APBB1: variants seen among roughly 807,000 people sequenced by gnomAD.
APBB1 encodes adaptor protein FE65a2.
APBB1 carries 22 observed loss-of-function variants against 78.4 expected under a neutral mutation model. The ratio of observed to expected loss-of-function variants is 0.28; its 90% CI spans 0.20 to 0.40. The LOEUF (loss-of-function observed/expected upper bound fraction) is 0.40. APBB1 is among the 10% of genes least tolerant of loss of function. APBB1 has a pLI of 1.00. For missense variants in APBB1, 749 were observed against 932.4 expected, an observed-to-expected ratio of 0.80 and a Z score of 2.56; for synonymous variants, 369 against 372.7, an observed-to-expected ratio of 0.99 and a Z score of 0.12.
intron 1 of APBB1, among the ~76,000 whole-genome samples, chr11:6,416,762 G>A (rs1052242276): frequency 3.4e-5 from 5 of 146,748 alleles, no homozygotes; most frequent in Admixed American, 2.7e-4. Flanking sequence ...TTTTTTTTGC[G>A]ATGGAGTCCT....
intron 1 of APBB1, among the ~76,000 whole-genome samples, chr11:6,412,048 C>A (rs561597531): frequency 6.6e-6 from 1 of 152,250 alleles, no homozygotes; most frequent in Non-Finnish European, 1.5e-5. Context: ...CCCTTGGGCA[C>A]TGGTCCCTCT....
chr11:6,404,989 T>A, intron 2 of APBB1: 5 of 1,429,834 alleles, frequency 3.5e-6, no homozygotes, highest in Non-Finnish European at 4.6e-6. Flanking sequence ...AGGACCACCA[T>A]GCTAGGGAAT....
chr11:6,402,652 G>A lies in APBB1; in HGVS notation c.1178C>T (p.Ala393Val). 6.2e-7 allele frequency: 1 copy of A among 1,614,144 alleles called. No individual in the cohort carries two copies. The highest frequency in any genetic ancestry group is 8.5e-7 in the Non-Finnish European group (1 of 1,180,038). The change falls in exon 7 of 15, where the codon GCA (alanine) becomes GTA (valine). Residue 393 changes from alanine (A) to valine (V), a missense_variant. Ala to Val is a moderately conservative substitution (Grantham distance 64). Around this residue, in one of 3 missense-constraint regions of APBB1, gnomAD observed 635 missense variants for 765.0 expected, o/e 0.83. Transcript: ENST00000609360. ...EELAPGRSSVAVNNCIRQLSY... is the reference protein window; with the variant it reads ...EELAPGRSSVVVNNCIRQLSY... ...GAGCTGACGGATGCAATTGTTGACT[G>A]CCACACTGCTGCGTCCAGGGGCCAG... is the stretch of plus-strand genomic sequence containing the variant.
At chr11:6,418,516 G>A (rs2723665) in intron 1 of APBB1, among the ~76,000 whole-genome samples, 1 of 152,144 alleles carries the variant, frequency 6.6e-6, no homozygotes, top group African/African-American at 2.4e-5. Context: ...AGTGTTCTTG[G>A]CAGTGCTAGG....
intron 1 of APBB1, among the ~76,000 whole-genome samples, chr11:6,412,299 C>T (rs375640913): frequency 5.9e-5 from 9 of 152,268 alleles, no homozygotes; most frequent in Middle Eastern, 3.4e-3. Flanking sequence ...ATTACAGGTG[C>T]CCACCACCAC....
At chr11:6,413,458 G>C (rs1849034103) in intron 1 of APBB1, among the ~76,000 whole-genome samples, 1 of 151,994 alleles carries the variant, frequency 6.6e-6, no homozygotes, top group South Asian at 2.1e-4. Context: ...TGTGTTCTCA[G>C]CGCTGAGCAC....
intron 12 of APBB1, among the ~76,000 whole-genome samples, chr11:6,399,825 T>C (rs73398865): frequency 0.018 from 2,743 of 152,296 alleles, 86 homozygotes; most frequent in African/African-American, 0.063. Flanking sequence ...TCATCTTGCA[T>C]TGGCCTTCTT....
In APBB1 at chr11:6,410,814, C is replaced by T. The variant is rs1339029284; in HGVS notation, c.534G>A (p.Gly178=). The change falls in exon 2 of 15, where the codon GGG becomes GGA. Residue 178 remains glycine (G), a synonymous_variant. Transcript: ENST00000609360. ...EEEEDLSSPP[G]LPEPLESVEA... is the part of the protein sequence containing the mutation. ...CCACACTCTCCAGGGGCTCAGGCAGCCCTGGGGGAGAAGATAAGTCCTCCT... is the reference window on the plus strand; with the variant it reads ...CCACACTCTCCAGGGGCTCAGGCAGTCCTGGGGGAGAAGATAAGTCCTCCT... The T allele has an allele frequency of 3.7e-6, 6 of 1,613,596 alleles. No individual in the cohort carries two copies. Among genetic ancestry groups the T allele is most frequent in the Admixed American group, 1.7e-5 (1 of 59,952 alleles).
intron 2 of APBB1, among the ~76,000 whole-genome samples, chr11:6,407,416 C>G (rs931608260): frequency 1.3e-5 from 2 of 152,222 alleles, no homozygotes; most frequent in African/African-American, 4.8e-5. Flanking sequence ...GGCAAGTGAG[C>G]AACTAGGCCT....
At chr11:6,410,565 T>G (rs1848931741) in intron 2 of APBB1, 62 bp downstream of exon 2, 115 of 1,432,108 alleles carry the variant, frequency 8.0e-5, no homozygotes, top group Non-Finnish European at 1.0e-4. Flanking sequence ...GGCCTCTGTA[T>G]GAGAGTCCTA....
At position 6,404,948 on chromosome 11, in the gene APBB1, T is replaced by TC; in HGVS notation, c.722-1127dup. 4.9e-6 allele frequency: 7 copies of TC among 1,439,300 alleles called. No individual in the cohort carries two copies. The South Asian group carries it at 7.4e-5, about 15-fold the overall frequency. 89.2% of individuals were successfully genotyped at this position (1,439,300 alleles called of 1,614,324 possible). ...GCAGAGCGTCTGCCAGGCAAGATCC[T>TC]CCCCCGCTTGGAGCTTGCTAGGGAG... On this transcript the variant is annotated intron_variant, in intron 2 of 14. Transcript: ENST00000609360.
At chr11:6,405,192 A>C (rs1590781547) in intron 2 of APBB1, 1 of 1,110,234 alleles carries the variant, frequency 9.0e-7, no homozygotes, top group Non-Finnish European at 1.1e-6. Context: ...CCTAAGGAAT[A>C]CCCCAGCTGC....
chr11:6,398,472 A>G (rs1005901423), intron 12 of APBB1, among the ~76,000 whole-genome samples: 1 of 152,230 alleles, frequency 6.6e-6, no homozygotes, highest in Non-Finnish European at 1.5e-5. Flanking sequence ...AAAAACGAGC[A>G]TAAGATAAAG....
chr11:6,407,355 G>A (rs1342899439), intron 2 of APBB1, among the ~76,000 whole-genome samples: 1 of 152,094 alleles, frequency 6.6e-6, no homozygotes, highest in Admixed American at 6.5e-5. Context: ...CCTACTCCTA[G>A]AAGCTTCATA....
intron 2 of APBB1, among the ~76,000 whole-genome samples, chr11:6,409,724 T>C (rs1016339990): frequency 8.2e-5 from 12 of 146,802 alleles, no homozygotes; most frequent in Middle Eastern, 6.8e-3. Context: ...AGGGTTTTGG[T>C]TGTAACTATA....
rs113412183 is a variant in APBB1 at position 6,408,201 on chromosome 11, G to C, written c.721+2426C>G. On this transcript the variant is annotated intron_variant, in intron 2 of 14. Transcript: ENST00000609360. Reference sequence around the variant, plus strand: ...CCAATTTACAGGAAATCCAGGGGAAGAGGAGCATGGTAAATATGACCACAG... The same window carrying C: ...CCAATTTACAGGAAATCCAGGGGAACAGGAGCATGGTAAATATGACCACAG... 1.1e-3 allele frequency among the ~76,000 whole-genome samples: 170 copies of C among 152,382 alleles called. 3 individuals carry two copies. The highest frequency in any genetic ancestry group is 3.7e-3 in the African/African-American group (154 of 41,590).
chr11:6,400,062 G>A (rs1787464885), intron 12 of APBB1, among the ~76,000 whole-genome samples: 1 of 152,162 alleles, frequency 6.6e-6, no homozygotes, highest in African/African-American at 2.4e-5. Flanking sequence ...TTATTTGTGT[G>A]ATTATTTTAT....
chr11:6,417,005 A>G (rs1030822100), intron 1 of APBB1, among the ~76,000 whole-genome samples: 2 of 152,174 alleles, frequency 1.3e-5, no homozygotes, highest in Non-Finnish European at 2.9e-5. Context: ...TGGCCTCCTA[A>G]AGTGCTGGGA....
chr11:6,418,883 G>A (rs1055301411), intron 1 of APBB1, 102 bp downstream of exon 1: 41 of 359,966 alleles, frequency 1.1e-4, no homozygotes, highest in African/African-American at 7.9e-4. Context: ...GGGGCCGGCC[G>A]GGGGACCCGG....
Sources: gnomAD v4.1 joint callset for allele counts (sites outside exome capture counted in the v4.1 genomes callset) on GRCh38, gnomAD v4.1.1 for gene constraint, gnomAD v4.1.1 regional missense constraint, MANE v1.5 for transcripts, NCBI Gene and HGNC (gene_info 2026-07-23, HGNC 2026-07-21) for gene names.